Variants in CACNA1B observed in about 807,000 individuals in gnomAD.
CACNA1B encodes the protein calcium voltage-gated channel subunit alpha1 B, also known as voltage-dependent N-type calcium channel subunit alpha-1B.
A neutral mutation model predicts 247.2 loss-of-function variants in CACNA1B; 70 were observed. The ratio of observed to expected loss-of-function variants is 0.28; its 90% CI spans 0.23 to 0.35. CACNA1B has a LOEUF of 0.35. Ranked by LOEUF, CACNA1B falls within the 10% of genes least tolerant of loss-of-function variation. CACNA1B has a pLI of 1.00. For missense variants in CACNA1B, 2,367 were observed against 3,197.4 expected, an observed-to-expected ratio of 0.74 and a Z score of 6.26; for synonymous variants, 1,231 against 1,294.4, an observed-to-expected ratio of 0.95 and a Z score of 1.05.
Position 138,102,229 on chromosome 9 carries a change from G to A in CACNA1B, c.5223-482G>A, listed in dbSNP as rs902378288. ...TCTAGCCTCACTTGGAAGCAAATCT[G>A]ACCGTGAGGAAAGCTGATGTCTCTG... On this transcript the variant is annotated intron_variant, in intron 37 of 46. Transcript: ENST00000371372. The surrounding 1 kb of genome is among the most constrained non-coding windows in gnomAD (Gnocchi z 5.4). Among the ~76,000 whole-genome samples the A allele has an allele frequency of 6.6e-6, 1 of 152,198 alleles. No homozygotes were observed. The highest frequency in any genetic ancestry group is 1.5e-5 in the Non-Finnish European group (1 of 68,042).
rs943368056 is a variant in CACNA1B, at chr9:138,014,975, A to C, written c.2267+1740A>C. On this transcript the variant is annotated intron_variant, in intron 18 of 46. Coordinates refer to ENST00000371372, the MANE Select transcript of CACNA1B (RefSeq NM_000718.4). The surrounding 1 kb of genome is among the most constrained non-coding windows in gnomAD (Gnocchi z 6.2). The stretch of plus-strand genomic sequence containing the variant: ...TGCAGGAACAAGGCAGTAGACTGGC[A>C]TCCTTGGGCACAGTGTACATCGACA... 6.6e-5 allele frequency among the ~76,000 whole-genome samples: 10 copies of C among 152,306 alleles called. No individual in the cohort carries two copies. The South Asian group carries it at 1.9e-3, about 28-fold the overall frequency.
chr9:138,076,272 C>T (rs116771808), intron 35 of CACNA1B, among the ~76,000 whole-genome samples: 2,241 of 152,208 alleles, frequency 0.015, 44 homozygotes, highest in African/African-American at 0.051. Context: ...AGCAGGGGCT[C>T]TCTTGAAGTG....
chr9:137,991,973 C>T (rs911299581), intron 15 of CACNA1B, among the ~76,000 whole-genome samples: 1 of 151,898 alleles, frequency 6.6e-6, no homozygotes, highest in Admixed American at 6.6e-5. Flanking sequence ...CGAAATACAC[C>T]AAAATAGAAC....
intron 3 of CACNA1B, among the ~76,000 whole-genome samples, chr9:137,897,500 A>G (rs1241180350): frequency 2.0e-5 from 3 of 152,048 alleles, no homozygotes; most frequent in Non-Finnish European, 4.4e-5. Flanking sequence ...GAATCACTTG[A>G]ACCCGGAAGG....
intron 34 of CACNA1B, 113 bp from the exon 35 acceptor site, chr9:138,075,706 G>A (rs928091409): frequency 4.3e-5 from 29 of 674,316 alleles, no homozygotes; most frequent in Middle Eastern, 3.8e-4. Context: ...TGGGGCAGTC[G>A]CCCATCTCAC....
chr9:138,073,544 G>A lies in CACNA1B; in HGVS notation c.4731G>A (p.Lys1577=), dbSNP rs1468812818. The change falls in exon 33 of 47, where the codon AAG becomes AAA. Residue 1577 remains lysine (K), a synonymous_variant. Coordinates refer to ENST00000371372, the MANE Select transcript of CACNA1B (RefSeq NM_000718.4). The surrounding 1 kb of genome is among the most constrained non-coding windows in gnomAD (Gnocchi z 6.4). ...LRLFRAARLI[K]LLRQGYTIRI... is the part of the protein sequence containing the mutation. ...TCTTTCGAGCTGCGCGGCTGATCAA[G>A]CTGCTCCGCCAGGGCTACACCATCC... 1 of 1,613,514 alleles carries A rather than the reference G, an allele frequency of 6.2e-7. No homozygotes were observed. The highest frequency in any genetic ancestry group is 1.3e-5 in the African/African-American group (1 of 74,892).
intron 39 of CACNA1B, among the ~76,000 whole-genome samples, chr9:138,106,096 G>T (rs1961414761): frequency 6.6e-6 from 1 of 152,196 alleles, no homozygotes; most frequent in African/African-American, 2.4e-5. Flanking sequence ...GTGGAACCAG[G>T]ACACAGCCTG....
chr9:137,880,917 G>C lies in CACNA1B; in HGVS notation c.390+1758G>C, dbSNP rs557060196. On this transcript the variant is annotated intron_variant, in intron 2 of 46. Transcript: ENST00000371372. This position sits in a 1 kb window ranked among gnomAD's most constrained non-coding sequence, Gnocchi z 4.8. ...GTTTCCCACCTCCCCGTCGACTCTG[G>C]AGCTACCTCGAGCCAGGCCCCAGCT... is the stretch of plus-strand genomic sequence containing the variant. Among the ~76,000 whole-genome samples the C allele has an allele frequency of 6.6e-6, 1 of 152,258 alleles. No homozygotes were observed. Among genetic ancestry groups the C allele is most frequent in the African/African-American group, 2.4e-5 (1 of 41,570 alleles).
rs573828365 is a variant in CACNA1B, at chr9:138,009,406, A to C, written c.2093-604A>C. Among the ~76,000 whole-genome samples the C allele has an allele frequency of 3.3e-5, 5 of 152,344 alleles. No individual in the cohort carries two copies. In the East Asian group the frequency reaches 9.6e-4, roughly 29 times the overall value. ...AGAGGCCCCAGGACACCATGCGGGA[A>C]AAGGAAATGGAAAGGAGGGGAAGGT... On this transcript the variant is annotated intron_variant, in intron 16 of 46. Transcript: ENST00000371372.
chr9:138,101,031 A>G (rs1292272385), intron 37 of CACNA1B: 1 of 466,170 alleles, frequency 2.1e-6, no homozygotes, highest in Non-Finnish European at 4.5e-6. Context: ...TCTTCCCATC[A>G]CAGGCTGGGC....
intron 32 of CACNA1B, among the ~76,000 whole-genome samples, chr9:138,071,633 C>CA (rs1468228057): frequency 2.6e-5 from 4 of 152,146 alleles, no homozygotes; most frequent in Admixed American, 6.5e-5. Context: ...TGGGTCTCCA[C>CA]AAAAACAGAA....
intron 1 of CACNA1B, among the ~76,000 whole-genome samples, chr9:137,878,815 C>T (rs1956874136): frequency 6.6e-6 from 1 of 152,156 alleles, no homozygotes; most frequent in Non-Finnish European, 1.5e-5. Context: ...GACGGCCGCC[C>T]GGGTGTGCCG....
chr9:137,893,354 T>TAAA (rs34168944), intron 3 of CACNA1B, among the ~76,000 whole-genome samples: 68 of 139,786 alleles, frequency 4.9e-4, no homozygotes, highest in Middle Eastern at 3.7e-3. Context: ...CTCCCCCCTT[T>TAAA]AAAAAAAAAA....
rs763891652 is a variant in CACNA1B at position 138,075,927 on chromosome 9, G to C, written c.4949+17G>C. The C allele has an allele frequency of 3.2e-6, 5 of 1,563,988 alleles. 1 individual carries two copies. The South Asian group carries it at 4.5e-5, about 14-fold the overall frequency. ...GCTGTTCAGGTGTGTTGTTCGGTCA[G>C]CCCAGGCCAATGTCTGCTCTTCCGT... On this transcript the variant is annotated intron_variant, in intron 35 of 46. Transcript: ENST00000371372.
At chr9:137,970,594 C>T (rs577593965) in intron 10 of CACNA1B, among the ~76,000 whole-genome samples, 40 of 152,224 alleles carry the variant, frequency 2.6e-4, no homozygotes, top group African/African-American at 8.7e-4. Flanking sequence ...GGAGGTGAGC[C>T]GAGGGCCCTG....
Position 137,919,983 on chromosome 9 carries a change from G to C in CACNA1B, c.966+2552G>C, listed in dbSNP as rs1257240746. Among the ~76,000 whole-genome samples, 1 of 152,194 alleles carries C rather than the reference G, an allele frequency of 6.6e-6. No homozygotes were observed. Among genetic ancestry groups the C allele is most frequent in the Non-Finnish European group, 1.5e-5 (1 of 68,034 alleles). On this transcript the variant is annotated intron_variant, in intron 6 of 46. Transcript: ENST00000371372. This position sits in a 1 kb window ranked among gnomAD's most constrained non-coding sequence, Gnocchi z 4.6. ...CGGCAGTAAATTCCTGTTAGGTCCAGAGAGGTGAGATCATCTCAGGACAGC... is the reference window on the plus strand; with the variant it reads ...CGGCAGTAAATTCCTGTTAGGTCCACAGAGGTGAGATCATCTCAGGACAGC...
In CACNA1B at chr9:137,917,115, A is replaced by G. The variant is rs542452443; in HGVS notation, c.776-126A>G. The G allele has an allele frequency of 1.7e-4, 134 of 773,702 alleles. 1 individual carries two copies. In the African/African-American group the frequency reaches 2.2e-3, roughly 13 times the overall value. The allele number at this position is 773,702 out of a possible 1,614,324, so 47.9% of individuals were successfully genotyped here. A position where few individuals can be genotyped will look rare whatever the true frequency, so the allele number is the denominator to read the frequency against. ...AGGAGGGATGGTGGGAAGTTGAGGG[A>G]GAGTTTCTGTTGGTGGCTGGTTCCT... is the stretch of plus-strand genomic sequence containing the variant. On this transcript the variant is annotated intron_variant, in intron 5 of 46. Coordinates refer to ENST00000371372, the MANE Select transcript of CACNA1B (RefSeq NM_000718.4). The surrounding 1 kb of genome is among the most constrained non-coding windows in gnomAD (Gnocchi z 5.5).
Position 138,023,569 on chromosome 9 carries a change from T to A in CACNA1B, c.2826T>A (p.Asp942Glu). Residue 942 changes from aspartate to glutamate, a missense_variant, in exon 19 of 47, where the codon GAT becomes GAA. Physicochemically the swap from Asp to Glu is conservative, Grantham distance 45. Around this residue, in one of 12 missense-constraint regions of CACNA1B, gnomAD observed 631 missense variants for 631.1 expected, o/e 1.00. Transcript: ENST00000371372. Reference protein sequence around the residue: ...PRRHRAHRHQDPSKECAGAKG... With the variant: ...PRRHRAHRHQEPSKECAGAKG... Reference sequence around the variant, plus strand: ...GCCACCGCGCGCACCGGCACCAGGATCCGAGCAAGGAGTGCGCCGGCGCCA... The same window carrying A: ...GCCACCGCGCGCACCGGCACCAGGAACCGAGCAAGGAGTGCGCCGGCGCCA... 1 of 1,091,842 alleles carries A rather than the reference T, an allele frequency of 9.2e-7. No individual in the cohort carries two copies. Among genetic ancestry groups the A allele is most frequent in the Non-Finnish European group, 1.1e-6 (1 of 892,976 alleles). 67.6% of individuals were successfully genotyped at this position (1,091,842 alleles called of 1,614,324 possible).
chr9:137,992,197 C>G (rs1378119458), intron 15 of CACNA1B, among the ~76,000 whole-genome samples: 1 of 152,140 alleles, frequency 6.6e-6, no homozygotes, highest in Non-Finnish European at 1.5e-5. Context: ...CTTCGGGAGA[C>G]TCACCTAACA....
Sources: gnomAD v4.1 joint callset for allele counts (sites outside exome capture counted in the v4.1 genomes callset) on GRCh38, gnomAD v4.1.1 for gene constraint, gnomAD v4.1.1 regional missense constraint, Gnocchi (gnomAD v3.1) non-coding constraint, MANE v1.5 for transcripts, NCBI Gene and HGNC (gene_info 2026-07-23, HGNC 2026-07-21) for gene names.